ARHGAP15: variants seen among roughly 807,000 people sequenced by gnomAD.
ARHGAP15 encodes Rho GTPase activating protein 15, also known as rho GTPase-activating protein 15.
ARHGAP15 carries 51 observed loss-of-function variants against 63.7 expected under a neutral mutation model. The observed-to-expected ratio is 0.80, with a 90% CI of 0.64 to 1.01. ARHGAP15 has a LOEUF of 1.01. ARHGAP15 is among the 50% of genes least tolerant of loss of function. The pLI is 0.00. For missense variants in ARHGAP15, 560 were observed against 564.6 expected (o/e 0.99, Z 0.08); for synonymous variants, 191 against 193.8 (o/e 0.99, Z 0.12).
chr2:143,402,707 G>C (rs1001209099), intron 6 of ARHGAP15, among the ~76,000 whole-genome samples: 1 of 151,768 alleles, frequency 6.6e-6, no homozygotes, highest in Non-Finnish European at 1.5e-5. Flanking sequence ...ACTAAAAAAA[G>C]ATTTACAAAA....
intron 9 of ARHGAP15, among the ~76,000 whole-genome samples, chr2:143,498,373 A>G (rs796645885): frequency 1.3e-5 from 2 of 152,174 alleles, no homozygotes; most frequent in Non-Finnish European, 2.9e-5. Flanking sequence ...GCAAGAGGCC[A>G]TATCAGAATT....
chr2:143,203,418 A>G (rs773913981), intron 3 of ARHGAP15, among the ~76,000 whole-genome samples: 20 of 152,158 alleles, frequency 1.3e-4, no homozygotes, highest in South Asian at 6.2e-4. Flanking sequence ...GATTGCCTCC[A>G]TGTTGTTAAA....
Position 143,613,675 on chromosome 2 carries a change from A to T in ARHGAP15, c.1004-10458A>T, listed in dbSNP as rs16822723. The stretch of plus-strand genomic sequence containing the variant: ...TCGTCTCTGAACTCTAATCCTTTGT[A>T]AATGCTAGCCATCAGTTTTCTAGAC... On this transcript the variant is annotated intron_variant, in intron 11 of 13. Coordinates refer to ENST00000295095, the MANE Select transcript of ARHGAP15 (RefSeq NM_018460.4). Among the ~76,000 whole-genome samples the T allele has an allele frequency of 5.0e-3, 758 of 152,324 alleles. 7 individuals are homozygous for T. Among genetic ancestry groups the T allele is most frequent in the African/African-American group, 0.017 (714 of 41,584 alleles).
At chr2:143,570,763 TC>T (rs1271285822) in intron 11 of ARHGAP15, among the ~76,000 whole-genome samples, 1 of 152,250 alleles carries the variant, frequency 6.6e-6, no homozygotes, top group Admixed American at 6.5e-5. Context: ...ACACATTATT[TC>T]TTTTGAAAAC....
intron 1 of ARHGAP15, among the ~76,000 whole-genome samples, chr2:143,153,681 C>T (rs1222280439): frequency 6.6e-6 from 1 of 151,940 alleles, no homozygotes; most frequent in African/African-American, 2.4e-5. Flanking sequence ...CCATACTTGC[C>T]TCTATCCTTT....
In ARHGAP15 at chr2:143,323,243, G is replaced by A. The variant is rs146350927; in HGVS notation, c.474+72643G>A. Among the ~76,000 whole-genome samples, 115 of 152,320 alleles carry A rather than the reference G, an allele frequency of 7.5e-4. No individual in the cohort carries two copies. The East Asian group carries it at 0.02, about 26-fold the overall frequency. ...TATATTATGTAATGCTGAGATTTGG[G>A]CTTCTAGTGAACCCATCACACAAAT... On this transcript the variant is annotated intron_variant, in intron 6 of 13. Transcript: ENST00000295095.
chr2:143,322,519 A>G (rs1684070969), intron 6 of ARHGAP15, among the ~76,000 whole-genome samples: 2 of 152,376 alleles, frequency 1.3e-5, no homozygotes, highest in South Asian at 4.1e-4. Context: ...GTAGAAATAC[A>G]ATAATGTAAT....
chr2:143,338,827 T>A (rs574071630), intron 6 of ARHGAP15, among the ~76,000 whole-genome samples: 2 of 152,232 alleles, frequency 1.3e-5, no homozygotes, highest in East Asian at 3.9e-4. Flanking sequence ...CCTTGATAGG[T>A]TGCTTACCCT....
intron 13 of ARHGAP15, among the ~76,000 whole-genome samples, chr2:143,759,505 G>T (rs193109316): frequency 1.8e-4 from 27 of 152,258 alleles, no homozygotes; most frequent in Admixed American, 1.7e-3. Flanking sequence ...AATGCCAACA[G>T]TGTCATTCTC....
At chr2:143,461,299 A>C (rs1171300852) in intron 8 of ARHGAP15, among the ~76,000 whole-genome samples, 9 of 150,796 alleles carry the variant, frequency 6.0e-5, no homozygotes, top group African/African-American at 2.2e-4. Context: ...AAAAAAAAAA[A>C]AAAAAAACAG....
intron 5 of ARHGAP15, among the ~76,000 whole-genome samples, chr2:143,231,430 A>G (rs920820140): frequency 6.6e-6 from 1 of 152,198 alleles, no homozygotes; most frequent in Non-Finnish European, 1.5e-5. Flanking sequence ...GAAGTAGCAT[A>G]AAATGCTGTC....
intron 3 of ARHGAP15, among the ~76,000 whole-genome samples, chr2:143,209,056 T>C (rs1338480374): frequency 1.3e-5 from 2 of 152,122 alleles, no homozygotes; most frequent in African/African-American, 4.8e-5. Context: ...GATTAATTAA[T>C]AGTAGTGAGG....
At chr2:143,749,873 C>A (rs913353884) in intron 13 of ARHGAP15, among the ~76,000 whole-genome samples, 2 of 152,066 alleles carry the variant, frequency 1.3e-5, no homozygotes, top group African/African-American at 4.8e-5. Context: ...GAGTTGAGTC[C>A]CTGGTTCTTT....
rs1309088525 is a variant in ARHGAP15 at position 143,606,068 on chromosome 2, AAAG to A, written c.1004-18064_1004-18062del. On this transcript the variant is annotated intron_variant, in intron 11 of 13. Coordinates refer to ENST00000295095, the MANE Select transcript of ARHGAP15 (RefSeq NM_018460.4). ...AAAAAAAAAAAAAAAAAAAAAAAAAAAAGCCATACATCTGTCTCTTTCGCTACC... is the reference window on the plus strand; with the variant it reads ...AAAAAAAAAAAAAAAAAAAAAAAAAACCATACATCTGTCTCTTTCGCTACC... 2.4e-3 allele frequency among the ~76,000 whole-genome samples: 105 copies of A among 44,156 alleles called. 22 individuals are homozygous for A. Among genetic ancestry groups the A allele is most frequent in the Middle Eastern group, 0.028 (2 of 72 alleles). The allele number at this position is 44,156 out of a possible 152,430, so 29.0% of individuals were successfully genotyped here.
At chr2:143,183,926 C>T (rs1342828564) in intron 2 of ARHGAP15, among the ~76,000 whole-genome samples, 1 of 152,116 alleles carries the variant, frequency 6.6e-6, no homozygotes, top group Non-Finnish European at 1.5e-5. Context: ...ATTTTCTCTG[C>T]TGTGATTGCC....
At chr2:143,513,860 T>A (rs1004272497) in intron 9 of ARHGAP15, among the ~76,000 whole-genome samples, 2 of 152,166 alleles carry the variant, frequency 1.3e-5, no homozygotes, top group African/African-American at 2.4e-5. Context: ...ATTGTCTTAG[T>A]TCGGGTCCCC....
intron 2 of ARHGAP15, among the ~76,000 whole-genome samples, chr2:143,166,001 A>AGAAGGAAGGAAGGAAGGAAG (rs1553442877): frequency 4.2e-4 from 42 of 101,152 alleles, no homozygotes; most frequent in African/African-American, 1.8e-3. Context: ...AAAGAAAGAA[A>AGAAGGAAGGAAGGAAGGAAG]GAAGGAAGGA....
chr2:143,177,836 G>A (rs1046844387), intron 2 of ARHGAP15, among the ~76,000 whole-genome samples: 4 of 151,926 alleles, frequency 2.6e-5, no homozygotes, highest in Non-Finnish European at 5.9e-5. Context: ...ACAAACCATT[G>A]CCTCTCTTGT....
intron 13 of ARHGAP15, among the ~76,000 whole-genome samples, chr2:143,752,630 G>C (rs1244016811): frequency 6.6e-6 from 1 of 152,190 alleles, no homozygotes; most frequent in Non-Finnish European, 1.5e-5. Context: ...TCTCCAGAAG[G>C]AGCCCCTGAA....
Sources: allele counts gnomAD v4.1 joint callset (sites outside exome capture counted in the v4.1 genomes callset), GRCh38; gene constraint gnomAD v4.1.1; transcripts MANE v1.5; gene names NCBI Gene and HGNC (gene_info 2026-07-23, HGNC 2026-07-21).